Variants in ADAM18 observed in about 807,000 individuals in gnomAD.
The protein encoded by ADAM18 is disintegrin and metalloproteinase domain-containing protein 18.
Under a neutral mutation model 94.4 loss-of-function variants are expected in ADAM18, and 117 were observed. That is an observed-to-expected ratio of 1.24 (90% confidence interval 1.07 to 1.45). The LOEUF is 1.45. Among genes scored for constraint, ADAM18 ranks in the 40% most tolerant of loss-of-function variants. The pLI is 0.00. For synonymous variants in ADAM18, 327 were observed against 291.6 expected (o/e 1.12, Z -1.24); for missense variants, 936 against 880.0 (o/e 1.06, Z -0.81).
intron 6 of ADAM18, among the ~76,000 whole-genome samples, chr8:39,615,563 A>C (rs527603141): frequency 1.3e-5 from 2 of 152,244 alleles, no homozygotes; most frequent in Admixed American, 6.5e-5. Flanking sequence ...GAAGGAACAT[A>C]CTTCAAAATA....
intron 2 of ADAM18, among the ~76,000 whole-genome samples, chr8:39,588,984 T>C (rs1381989414): frequency 1.3e-5 from 2 of 152,232 alleles, no homozygotes; most frequent in Non-Finnish European, 2.9e-5. Context: ...AGAACATTCC[T>C]AAATCTGTCA....
At chr8:39,640,600 C>A (rs1210122668) in intron 10 of ADAM18, among the ~76,000 whole-genome samples, 1 of 152,074 alleles carries the variant, frequency 6.6e-6, no homozygotes, top group African/African-American at 2.4e-5. Context: ...TGAGGAATTG[C>A]CACACTGTGT....
At chr8:39,722,082 A>G (rs1187222165) in intron 18 of ADAM18, among the ~76,000 whole-genome samples, 1 of 150,110 alleles carries the variant, frequency 6.7e-6, no homozygotes, top group Non-Finnish European at 1.5e-5. Flanking sequence ...TATCATATAT[A>G]TATCAATGGA....
rs547986220 is a variant in ADAM18, at chr8:39,680,146, A to G, written c.1741A>G (p.Ile581Val). ...TATTCAAGACCATGTATGTGTATCT[A>G]TAGCCACTGGTTCCTCCATGAGATC... ...SYIQDHVCVS[I>V]ATGSSMRSDG... is the part of the protein sequence containing the mutation. Residue 581 changes from isoleucine (I) to valine (V), a missense_variant, in exon 16 of 20, where the codon ATA (isoleucine) becomes GTA (valine). Coordinates refer to ENST00000265707, the MANE Select transcript of ADAM18 (RefSeq NM_014237.3). 2.0e-5 allele frequency: 33 copies of G among 1,613,876 alleles called. No individual in the cohort carries two copies. In the African/African-American group the frequency reaches 2.9e-4, roughly 14 times the overall value.
intron 17 of ADAM18, among the ~76,000 whole-genome samples, chr8:39,701,117 CAAAAAAAAAA>C (rs71237188): frequency 3.5e-3 from 120 of 34,554 alleles, no homozygotes; most frequent in Admixed American, 5.2e-3. Flanking sequence ...GACTCTGTCT[CAAAAAAAAAA>C]AAAAAAAAAA....
intron 18 of ADAM18, among the ~76,000 whole-genome samples, chr8:39,712,295 A>G (rs549359105): frequency 4.4e-4 from 67 of 152,304 alleles, no homozygotes; most frequent in African/African-American, 1.6e-3. Context: ...ATGTATCACA[A>G]AACAATAAGA....
At chr8:39,719,034 T>C (rs951019171) in intron 18 of ADAM18, among the ~76,000 whole-genome samples, 18 of 150,324 alleles carry the variant, frequency 1.2e-4, no homozygotes, top group African/African-American at 4.4e-4. Flanking sequence ...CAAGAATAGT[T>C]AAAATGACTT....
chr8:39,710,000 G>A (rs1157333522), intron 18 of ADAM18, among the ~76,000 whole-genome samples: 1 of 152,202 alleles, frequency 6.6e-6, no homozygotes, highest in African/African-American at 2.4e-5. Context: ...ATATCACTGC[G>A]TGTTTGATGC....
At chr8:39,665,602 C>T (rs989573497) in intron 13 of ADAM18, among the ~76,000 whole-genome samples, 1 of 152,164 alleles carries the variant, frequency 6.6e-6, no homozygotes, top group African/African-American at 2.4e-5. Context: ...TGAATGTAAA[C>T]ACTAAAACTA....
At chr8:39,661,544 G>A (rs1013440516) in intron 12 of ADAM18, among the ~76,000 whole-genome samples, 1 of 151,726 alleles carries the variant, frequency 6.6e-6, no homozygotes, top group Non-Finnish European at 1.5e-5. Context: ...CTATCAATTT[G>A]AGTAATTTGT....
intron 12 of ADAM18, among the ~76,000 whole-genome samples, chr8:39,659,401 G>A (rs1820771455): frequency 1.3e-5 from 2 of 151,164 alleles, no homozygotes; most frequent in South Asian, 4.2e-4. Context: ...ACACAAAAAA[G>A]CAAGTATGTG....
At chr8:39,585,229 T>G (rs758900800) in intron 1 of ADAM18, 47 bp from the exon 2 acceptor site, 4 of 1,501,504 alleles carry the variant, frequency 2.7e-6, no homozygotes, top group Non-Finnish European at 2.8e-6. Context: ...CTGAGACGAT[T>G]GTTGATGCAA....
At chr8:39,705,386 T>G (rs1822213623) in intron 17 of ADAM18, among the ~76,000 whole-genome samples, 1 of 152,176 alleles carries the variant, frequency 6.6e-6, no homozygotes, top group Non-Finnish European at 1.5e-5. Context: ...TCTTCAGGTA[T>G]TTAAATAAAT....
intron 10 of ADAM18, among the ~76,000 whole-genome samples, chr8:39,644,266 A>G (rs960796176): frequency 9.2e-5 from 14 of 152,012 alleles, no homozygotes; most frequent in Non-Finnish European, 1.9e-4. Flanking sequence ...GCATTTTTTA[A>G]TATCTTCTCA....
At chr8:39,638,334 A>G in intron 9 of ADAM18, 131 bp from the exon 10 acceptor site, 1 of 513,466 alleles carries the variant, frequency 1.9e-6, no homozygotes, top group Non-Finnish European at 3.5e-6. Flanking sequence ...TTTATTAGAT[A>G]TTACCTAGTT....
At chr8:39,666,406 G>T (rs1820994222) in intron 13 of ADAM18, among the ~76,000 whole-genome samples, 2 of 152,108 alleles carry the variant, frequency 1.3e-5, no homozygotes, top group African/African-American at 2.4e-5. Context: ...TAGTTACAGG[G>T]TATGGAATTC....
chr8:39,684,105 C>T (rs1022084999), intron 16 of ADAM18, among the ~76,000 whole-genome samples: 1 of 152,088 alleles, frequency 6.6e-6, no homozygotes, highest in Non-Finnish European at 1.5e-5. Flanking sequence ...ACACTCCAGT[C>T]TGGTCAACAA....
chr8:39,663,972 A>C (rs1820923513), intron 13 of ADAM18, 82 bp downstream of exon 13: 5 of 884,098 alleles, frequency 5.7e-6, no homozygotes, highest in Non-Finnish European at 8.8e-6. Flanking sequence ...GCAATTAATA[A>C]AAAGAATATA....
intron 14 of ADAM18, among the ~76,000 whole-genome samples, chr8:39,676,182 C>G (rs1821296456): frequency 6.6e-6 from 1 of 152,218 alleles, no homozygotes; most frequent in Non-Finnish European, 1.5e-5. Flanking sequence ...CTCTTCAGAG[C>G]TGTCAGACAG....
Sources: gnomAD v4.1 joint callset for allele counts (sites outside exome capture counted in the v4.1 genomes callset) on GRCh38, gnomAD v4.1.1 for gene constraint, MANE v1.5 for transcripts, NCBI Gene and HGNC (gene_info 2026-07-23, HGNC 2026-07-21) for gene names.